The following NEK10 variants were observed in gnomAD, a reference collection of about 807,000 sequenced individuals.
NEK10 encodes the protein serine/threonine-protein kinase Nek10.
NEK10 carries 122 observed loss-of-function variants against 159.8 expected under a neutral mutation model. That is an observed-to-expected ratio of 0.76 (90% CI 0.66 to 0.89). The LOEUF is 0.89. NEK10 is among the 40% of genes least tolerant of loss of function. The pLI, the probability that NEK10 is intolerant of heterozygous loss-of-function variation, is 0.00. For synonymous variants in NEK10, 466 were observed against 457.1 expected, an observed-to-expected ratio of 1.02 and a Z score of -0.25; for missense variants, 1,342 against 1,323.1, an observed-to-expected ratio of 1.01 and a Z score of -0.22.
At chr3:27,303,618 TCAA>T (rs1303024333) in intron 12 of NEK10, among the ~76,000 whole-genome samples, 1 of 152,230 alleles carries the variant, frequency 6.6e-6, no homozygotes, top group African/African-American at 2.4e-5. Context: ...AAGTGGGTTG[TCAA>T]CAGTCTATAA....
intron 29 of NEK10, 101 bp downstream of exon 29, chr3:27,171,718 A>C: frequency 8.4e-7 from 1 of 1,190,770 alleles, no homozygotes; most frequent in Non-Finnish European, 1.2e-6. Context: ...CTATTTCCGC[A>C]GGCACATGGA....
intron 29 of NEK10, among the ~76,000 whole-genome samples, chr3:27,167,184 C>T (rs1392000601): frequency 6.6e-6 from 1 of 151,872 alleles, no homozygotes; most frequent in African/African-American, 2.4e-5. Context: ...AAAAAATGTG[C>T]CTTAAGCTGT....
At chr3:27,202,385 T>A in intron 24 of NEK10, 43 bp downstream of exon 24, 1 of 1,549,716 alleles carries the variant, frequency 6.5e-7, no homozygotes, top group Non-Finnish European at 8.7e-7. Flanking sequence ...AAGAATTGCA[T>A]TTTTAGCTAC....
At chr3:27,146,108 G>A (rs778196480) in intron 30 of NEK10, among the ~76,000 whole-genome samples, 2 of 152,170 alleles carry the variant, frequency 1.3e-5, no homozygotes, top group African/African-American at 4.8e-5. Context: ...TGGAAAGCAT[G>A]TAGACATAAT....
intron 12 of NEK10, among the ~76,000 whole-genome samples, chr3:27,304,288 T>G (rs2044063387): frequency 6.6e-6 from 1 of 152,242 alleles, no homozygotes; most frequent in Admixed American, 6.5e-5. Flanking sequence ...CCTGCTCCTT[T>G]CATATAGGCT....
chr3:27,183,108 T>C (rs1948283412), intron 26 of NEK10, among the ~76,000 whole-genome samples: 1 of 151,978 alleles, frequency 6.6e-6, no homozygotes, highest in Non-Finnish European at 1.5e-5. Context: ...AAATGATAAA[T>C]GTTGGAGGTG....
chr3:27,127,341 C>T (rs1157353870), intron 32 of NEK10, among the ~76,000 whole-genome samples: 1 of 152,130 alleles, frequency 6.6e-6, no homozygotes, highest in East Asian at 1.9e-4. Flanking sequence ...TCATGCACTG[C>T]TTAACAACAG....
At chr3:27,332,148 A>C (rs555752940) in intron 5 of NEK10, among the ~76,000 whole-genome samples, 1 of 152,334 alleles carries the variant, frequency 6.6e-6, no homozygotes, top group African/African-American at 2.4e-5. Context: ...ATTAAAGAGC[A>C]GGAGGAAAGA....
chr3:27,361,260 G>C (rs2048666318), intron 1 of NEK10, among the ~76,000 whole-genome samples: 1 of 152,170 alleles, frequency 6.6e-6, no homozygotes, highest in Admixed American at 6.5e-5. Context: ...AATGATATTT[G>C]TGGTATGCTA....
intron 23 of NEK10, among the ~76,000 whole-genome samples, chr3:27,208,608 G>C (rs1170995105): frequency 6.6e-6 from 1 of 152,148 alleles, no homozygotes; most frequent in African/African-American, 2.4e-5. Context: ...AAAAAGAGAA[G>C]GGAAAGATGA....
At chr3:27,292,572 G>A (rs760462438) in intron 16 of NEK10, among the ~76,000 whole-genome samples, 160 of 152,112 alleles carry the variant, frequency 1.1e-3, no homozygotes, top group African/African-American at 3.8e-3. Context: ...GGTGGCTCAC[G>A]CCTGTAATCC....
rs529919837 is a variant in NEK10 at position 27,284,341 on chromosome 3, G to A, written c.2014+261C>T. On this transcript the variant is annotated intron_variant, in intron 22 of 35. Transcript: ENST00000691995. ...GTGGAGGTTGCAGTGAGCTGAGATC[G>A]TACCACTGCACTCCAGCCTGGGTGA... Among the ~76,000 whole-genome samples the A allele has an allele frequency of 1.3e-4, 20 of 152,200 alleles. No homozygotes were observed. In the East Asian group the frequency reaches 2.3e-3, roughly 18 times the overall value.
At chr3:27,269,577 ACACACAAATAGACTATTG>A (rs1184571790) in intron 22 of NEK10, among the ~76,000 whole-genome samples, 1 of 152,202 alleles carries the variant, frequency 6.6e-6, no homozygotes, top group African/African-American at 2.4e-5. Context: ...TAGACATAAT[ACACACAAATAGACTATTG>A]CACACAAATA....
At chr3:27,262,377 C>T (rs2040492350) in intron 22 of NEK10, among the ~76,000 whole-genome samples, 1 of 152,118 alleles carries the variant, frequency 6.6e-6, no homozygotes, top group Non-Finnish European at 1.5e-5. Context: ...AAATGTTGGC[C>T]TGCCTTGCTA....
intron 23 of NEK10, among the ~76,000 whole-genome samples, chr3:27,245,070 G>A (rs1272604407): frequency 6.6e-6 from 1 of 151,972 alleles, no homozygotes; most frequent in Non-Finnish European, 1.5e-5. Flanking sequence ...CATCATAATT[G>A]TTCTTCATAT....
intron 22 of NEK10, among the ~76,000 whole-genome samples, chr3:27,283,994 C>T (rs1362405671): frequency 6.6e-6 from 1 of 152,178 alleles, no homozygotes; most frequent in Admixed American, 6.5e-5. Context: ...GTACTTCATT[C>T]CCTCATATGG....
chr3:27,280,608 G>C (rs1022437640), intron 22 of NEK10, among the ~76,000 whole-genome samples: 1 of 152,102 alleles, frequency 6.6e-6, no homozygotes, highest in African/African-American at 2.4e-5. Context: ...TACTTGAAGA[G>C]TATTCTCTAG....
chr3:27,124,775 C>T (rs953111303), intron 32 of NEK10, among the ~76,000 whole-genome samples: 3 of 152,092 alleles, frequency 2.0e-5, no homozygotes, highest in Admixed American at 1.3e-4. Context: ...GTCTAATTCC[C>T]GACATGCCAG....
chr3:27,160,704 G>C (rs1945937516), intron 30 of NEK10, among the ~76,000 whole-genome samples: 1 of 152,094 alleles, frequency 6.6e-6, no homozygotes, highest in Non-Finnish European at 1.5e-5. Context: ...TCAGGAGTTA[G>C]AGACCAGCCT....
Sources: gnomAD v4.1 joint callset for allele counts (sites outside exome capture counted in the v4.1 genomes callset) on GRCh38, gnomAD v4.1.1 for gene constraint, MANE v1.5 for transcripts, NCBI Gene and HGNC (gene_info 2026-07-23, HGNC 2026-07-21) for gene names.